Variants in FRMD4A observed in about 807,000 individuals in gnomAD.
The protein encoded by FRMD4A is FERM domain-containing protein 4A.
In FRMD4A, 29 loss-of-function variants were observed where a neutral mutation model predicts 129.1. The ratio of observed to expected loss-of-function variants is 0.22; its 90% confidence interval spans 0.17 to 0.31. The LOEUF (loss-of-function observed/expected upper bound fraction) is 0.31. Ranked by LOEUF, FRMD4A falls within the 10% of genes least tolerant of loss-of-function variation. FRMD4A has a pLI of 1.00. For synonymous variants in FRMD4A, 634 were observed against 571.6 expected (o/e 1.11, Z -1.56); for missense variants, 1,272 against 1,375.8 (o/e 0.92, Z 1.19).
At chr10:14,107,223 A>G (rs1431715346) in intron 2 of FRMD4A, among the ~76,000 whole-genome samples, 1 of 152,170 alleles carries the variant, frequency 6.6e-6, no homozygotes, top group Non-Finnish European at 1.5e-5. Context: ...GGAAGGGACA[A>G]GGGTTGAAAA....
intron 13 of FRMD4A, 125 bp from the exon 14 acceptor site, chr10:13,701,603 T>C (rs938520734): frequency 4.3e-5 from 34 of 783,604 alleles, no homozygotes; most frequent in Non-Finnish European, 6.4e-5. Context: ...ATAGATGAGC[T>C]CTCACATACA....
intron 2 of FRMD4A, among the ~76,000 whole-genome samples, chr10:14,260,387 G>A (rs972584164): frequency 2.6e-5 from 4 of 152,140 alleles, no homozygotes; most frequent in African/African-American, 9.7e-5. Flanking sequence ...ACACCACATG[G>A]TGGCTGTGTC....
intron 14 of FRMD4A, among the ~76,000 whole-genome samples, chr10:13,700,419 C>T (rs889072092): frequency 7.2e-5 from 11 of 152,214 alleles, no homozygotes; most frequent in Admixed American, 5.2e-4. Context: ...AGCATCTTGC[C>T]ACCTTCTCCC....
At chr10:13,762,277 T>A (rs1055702259) in intron 7 of FRMD4A, among the ~76,000 whole-genome samples, 1 of 152,178 alleles carries the variant, frequency 6.6e-6, no homozygotes, top group Non-Finnish European at 1.5e-5. Context: ...AGAACATGAT[T>A]TTTTGGCCAC....
At chr10:13,880,222 T>C (rs1275013185) in intron 2 of FRMD4A, among the ~76,000 whole-genome samples, 1 of 152,058 alleles carries the variant, frequency 6.6e-6, no homozygotes, top group African/African-American at 2.4e-5. Flanking sequence ...TGATCTCACT[T>C]TTCCCCAGAT....
intron 12 of FRMD4A, among the ~76,000 whole-genome samples, chr10:13,730,905 A>G (rs11258564): frequency 0.26 from 39,120 of 148,366 alleles, 6,012 homozygotes; most frequent in Non-Finnish European, 0.35. Context: ...ACACACGCCT[A>G]TAGTCCCAGC....
chr10:13,868,831 T>C (rs1162502469), intron 2 of FRMD4A, among the ~76,000 whole-genome samples: 2 of 152,030 alleles, frequency 1.3e-5, no homozygotes, highest in Non-Finnish European at 2.9e-5. Context: ...TGCAGGTGTG[T>C]CCTTCAGGTT....
chr10:13,952,043 G>A (rs1004009805), intron 2 of FRMD4A, among the ~76,000 whole-genome samples: 3 of 150,872 alleles, frequency 2.0e-5, no homozygotes, highest in African/African-American at 7.3e-5. Context: ...ACATTGGGAA[G>A]GGGCTTGTTT....
chr10:13,650,439 T>A (rs1238006117), intron 24 of FRMD4A, among the ~76,000 whole-genome samples: 3 of 152,182 alleles, frequency 2.0e-5, no homozygotes, highest in African/African-American at 7.2e-5. Context: ...TATTCGTGTA[T>A]GTATGTAGGT....
chr10:13,740,540 C>T lies in FRMD4A; in HGVS notation c.586G>A (p.Gly196Ser). 1 of 1,594,110 alleles carries T rather than the reference C, an allele frequency of 6.3e-7. No homozygotes were observed. Among genetic ancestry groups the T allele is most frequent in the Non-Finnish European group, 8.6e-7 (1 of 1,164,578 alleles). ...RVIEHYKKLN[G>S]QTRGQAIVNY... ...ACGATTGCTTGACCTCTTGTCTGACCGTTCAGTTTCTTGTAGTGCTCAATG... is the reference window on the plus strand; with the variant it reads ...ACGATTGCTTGACCTCTTGTCTGACTGTTCAGTTTCTTGTAGTGCTCAATG... Residue 196 changes from glycine (G) to serine (S), a missense_variant, in exon 10 of 25, where the codon GGT becomes AGT. This residue lies in a region of FRMD4A where 300 missense variants were observed against 483.6 expected (regional missense o/e 0.62). Transcript: ENST00000357447.
chr10:13,960,285 T>C (rs1212276540), intron 2 of FRMD4A, among the ~76,000 whole-genome samples: 1 of 152,248 alleles, frequency 6.6e-6, no homozygotes, highest in African/African-American at 2.4e-5. Context: ...ATGATAATAG[T>C]AACAATCGTA....
intron 2 of FRMD4A, among the ~76,000 whole-genome samples, chr10:14,183,081 G>A (rs903974193): frequency 1.3e-5 from 2 of 152,148 alleles, no homozygotes; most frequent in Admixed American, 6.6e-5. Flanking sequence ...AAAGCATAGA[G>A]CTAGGCAGTA....
intron 6 of FRMD4A, among the ~76,000 whole-genome samples, chr10:13,781,109 C>G (rs986634505): frequency 1.3e-5 from 2 of 152,054 alleles, no homozygotes; most frequent in East Asian, 3.9e-4. Context: ...TTGAGACCAG[C>G]CTGGCCAACA....
chr10:13,656,954 A>G lies in FRMD4A; in HGVS notation c.2635T>C (p.Phe879Leu). Residue 879 changes from phenylalanine to leucine, a missense_variant, in exon 22 of 25, where the codon TTC becomes CTC. Transcript: ENST00000357447. ...TSNSYTAGGL[F>L]KESWRGGGGD... ...CCGCCGCCGCGCCAGCTCTCCTTGAACAGGCCGCCCGCCGTGTAGGAGTTG... is the reference window on the plus strand; with the variant it reads ...CCGCCGCCGCGCCAGCTCTCCTTGAGCAGGCCGCCCGCCGTGTAGGAGTTG... 1 of 1,534,686 alleles carries G rather than the reference A, an allele frequency of 6.5e-7. No individual in the cohort carries two copies. The highest frequency in any genetic ancestry group is 8.7e-7 in the Non-Finnish European group (1 of 1,148,072).
At chr10:13,858,354 G>C (rs1459980454) in intron 3 of FRMD4A, among the ~76,000 whole-genome samples, 1 of 152,226 alleles carries the variant, frequency 6.6e-6, no homozygotes, top group East Asian at 1.9e-4. Context: ...AGAATCGCTT[G>C]AACCTGGGAG....
At chr10:14,133,756 T>C (rs1487011728) in intron 2 of FRMD4A, among the ~76,000 whole-genome samples, 6 of 152,200 alleles carry the variant, frequency 3.9e-5, no homozygotes, top group African/African-American at 1.4e-4. Context: ...CTGTTTCTTC[T>C]CCACAAAGAC....
intron 2 of FRMD4A, among the ~76,000 whole-genome samples, chr10:14,258,683 T>C (rs1844698845): frequency 6.6e-6 from 1 of 152,192 alleles, no homozygotes; most frequent in Admixed American, 6.5e-5. Flanking sequence ...TACTTAAAAA[T>C]GAAAGCTCAT....
intron 2 of FRMD4A, among the ~76,000 whole-genome samples, chr10:13,996,045 G>A (rs1588707704): frequency 6.6e-6 from 1 of 152,206 alleles, no homozygotes; most frequent in South Asian, 2.1e-4. Flanking sequence ...TAATATTAAG[G>A]CAGATTCGGT....
chr10:13,806,778 G>A (rs1469084942), intron 4 of FRMD4A, among the ~76,000 whole-genome samples: 1 of 152,138 alleles, frequency 6.6e-6, no homozygotes, highest in Non-Finnish European at 1.5e-5. Flanking sequence ...TGTAACTAAG[G>A]TTGAGATCCC....
Sources: gnomAD v4.1 joint callset for allele counts (sites outside exome capture counted in the v4.1 genomes callset) on GRCh38, gnomAD v4.1.1 for gene constraint, gnomAD v4.1.1 regional missense constraint, MANE v1.5 for transcripts, NCBI Gene and HGNC (gene_info 2026-07-23, HGNC 2026-07-21) for gene names.